Variants in BMP1 observed in about 807,000 individuals in gnomAD.
BMP1 encodes mammalian tolloid protein.
BMP1 carries 63 observed loss-of-function variants against 116.8 expected under a neutral mutation model. That is an observed-to-expected ratio of 0.54 (90% CI 0.44 to 0.67). BMP1 has a LOEUF of 0.67. Among genes scored for constraint, BMP1 ranks in the 30% least tolerant of loss-of-function variants. The probability of loss-of-function intolerance (pLI) is 0.00; values close to 1 mark genes in which losing one functional copy is unlikely to be tolerated. For missense variants in BMP1, 1,183 were observed against 1,358.9 expected (o/e 0.87, Z 2.04); for synonymous variants, 536 against 533.4 (o/e 1.00, Z -0.07).
chr8:22,203,763 C>T (rs1160895205), intron 16 of BMP1, among the ~76,000 whole-genome samples: 1 of 152,158 alleles, frequency 6.6e-6, no homozygotes, highest in Non-Finnish European at 1.5e-5. Flanking sequence ...CGAGGGCTTC[C>T]AACCCTGTGA....
chr8:22,165,522 G>A lies in BMP1; in HGVS notation c.117G>A (p.Glu39=). The A allele has an allele frequency of 2.5e-6, 4 of 1,592,102 alleles. No individual in the cohort carries two copies. The highest frequency in any genetic ancestry group is 3.4e-6 in the Non-Finnish European group (4 of 1,171,432). ...ACCTGGCGGAGGAGGACGACTCGGA[G>A]CCCCTCAACTACAAAGACCCCTGCA... ...TYDLAEEDDS[E]PLNYKDPCKA... Residue 39 remains glutamate (E), a synonymous_variant, in exon 1 of 20, where the codon GAG becomes GAA. Coordinates refer to ENST00000306385, the MANE Select transcript of BMP1 (RefSeq NM_006129.5).
intron 13 of BMP1, chr8:22,196,254 C>T (rs750172292): frequency 6.6e-5 from 35 of 532,546 alleles, no homozygotes; most frequent in East Asian, 5.3e-5. Context: ...CGCATGGTCC[C>T]GAGATGCTGG....
intron 9 of BMP1, 92 bp from the exon 10 acceptor site, chr8:22,193,966 G>C: frequency 9.8e-7 from 1 of 1,015,402 alleles, no homozygotes; most frequent in Non-Finnish European, 1.5e-6. Flanking sequence ...CCACAGATCA[G>C]GGCCCAAGCA....
intron 8 of BMP1, among the ~76,000 whole-genome samples, chr8:22,188,369 T>C (rs189409182): frequency 4.8e-4 from 73 of 152,166 alleles, no homozygotes; most frequent in Non-Finnish European, 8.8e-4. Context: ...GGGGTCTCAC[T>C]GTATTGCTCA....
intron 19 of BMP1, 124 bp downstream of exon 19, chr8:22,209,819 C>T (rs934728850): frequency 8.3e-6 from 9 of 1,089,008 alleles, no homozygotes; most frequent in African/African-American, 7.9e-5. Flanking sequence ...GTGCAGCACG[C>T]GTGTGGCCCT....
chr8:22,177,991 G>A (rs774946592), intron 6 of BMP1, 34 bp downstream of exon 6: 29 of 1,526,678 alleles, frequency 1.9e-5, no homozygotes, highest in South Asian at 1.2e-4. Flanking sequence ...GCCTCTGCTC[G>A]GGCAGCCCCA....
chr8:22,177,551 C>T (rs1828483163), intron 5 of BMP1: 2 of 734,070 alleles, frequency 2.7e-6, no homozygotes, highest in African/African-American at 1.7e-5. Context: ...CTTCCCGCCT[C>T]CTCCCTCTCT....
chr8:22,176,895 C>A, intron 4 of BMP1, 66 bp from the exon 5 acceptor site: 1 of 1,429,074 alleles, frequency 7.0e-7, no homozygotes, highest in Non-Finnish European at 9.5e-7. Flanking sequence ...GCAGCCTGGC[C>A]CCGCCCCTGA....
intron 9 of BMP1, 112 bp downstream of exon 9, chr8:22,192,263 T>C (rs1828957248): frequency 2.2e-6 from 2 of 896,776 alleles, no homozygotes; most frequent in Non-Finnish European, 1.7e-6. Flanking sequence ...GATGACAACC[T>C]GGTATGGGAG....
At chr8:22,210,108 C>A (rs1359739397) in intron 19 of BMP1, among the ~76,000 whole-genome samples, 1 of 152,398 alleles carries the variant, frequency 6.6e-6, no homozygotes, top group South Asian at 2.1e-4. Context: ...GTGGCCCTCA[C>A]CAGTCCTTTT....
chr8:22,207,624 A>T, intron 18 of BMP1, 108 bp downstream of exon 18: 11 of 1,263,948 alleles, frequency 8.7e-6, no homozygotes, highest in Non-Finnish European at 1.2e-5. Context: ...GAGCCCTGCG[A>T]CCCAGGGCCA....
rs1236951188 is a variant in BMP1 at position 22,206,859 on chromosome 8, T to C, written c.2239T>C (p.Cys747Arg). 3.7e-6 allele frequency: 6 copies of C among 1,614,066 alleles called. No homozygotes were observed. The highest frequency in any genetic ancestry group is 5.1e-6 in the Non-Finnish European group (6 of 1,180,018). The stretch of plus-strand genomic sequence containing the variant: ...CGTCACTCGCTTCCCTGCAGCCGGC[T>C]GTGACCACAAGGTGACATCCACCAG... Reference protein sequence around the residue: ...DNKHDCKEAGCDHKVTSTSGT... With the variant: ...DNKHDCKEAGRDHKVTSTSGT... Residue 747 changes from cysteine to arginine, a missense_variant, in exon 17 of 20, where the codon TGT becomes CGT. Coordinates refer to ENST00000306385, the MANE Select transcript of BMP1 (RefSeq NM_006129.5).
At chr8:22,183,013 G>A (rs1221992849) in intron 8 of BMP1, among the ~76,000 whole-genome samples, 9 of 152,152 alleles carry the variant, frequency 5.9e-5, no homozygotes, top group Non-Finnish European at 4.4e-5. Context: ...ATTCTTACGT[G>A]GACAGATTTT....
intron 8 of BMP1, among the ~76,000 whole-genome samples, chr8:22,184,158 G>T (rs1382356275): frequency 6.6e-6 from 1 of 152,242 alleles, no homozygotes; most frequent in Non-Finnish European, 1.5e-5. Context: ...GGGATGTACA[G>T]ATGCACAAGA....
chr8:22,171,686 G>C (rs1051630243), intron 1 of BMP1: 1 of 152,154 alleles, frequency 6.6e-6, no homozygotes, highest in Non-Finnish European at 1.5e-5. Flanking sequence ...TGAGTTATAC[G>C]TCCAGTTTTC....
rs1243400428 is a variant in BMP1, at chr8:22,180,630, G to A, written c.1077+147G>A. ...CAAGTCCAGAGCGCTGATGGAGCAC[G>A]GCTGTAGGAAGGGGCTCCTGGCATT... On this transcript the variant is annotated intron_variant, in intron 8 of 19. Transcript: ENST00000306385. The A allele has an allele frequency of 1.9e-5, 13 of 667,406 alleles. 1 individual carries two copies. Among genetic ancestry groups the A allele is most frequent in the South Asian group, 9.3e-5 (5 of 53,484 alleles). The allele number at this position is 667,406 out of a possible 1,614,324, so 41.3% of individuals were successfully genotyped here.
chr8:22,176,763 C>T, intron 4 of BMP1, 113 bp downstream of exon 4: 2 of 1,205,488 alleles, frequency 1.7e-6, no homozygotes, highest in Non-Finnish European at 1.2e-6. Flanking sequence ...TTTATCCCCT[C>T]CTGCTATGGG....
rs753974583 is a variant in BMP1 at position 22,194,550 on chromosome 8, C to T, written c.1403C>T (p.Ser468Phe). Residue 468 changes from serine to phenylalanine, a missense_variant, in exon 11 of 20, where the codon TCT becomes TTT. Coordinates refer to ENST00000306385, the MANE Select transcript of BMP1 (RefSeq NM_006129.5). This position sits in a 1 kb window ranked among gnomAD's most constrained non-coding sequence, Gnocchi z 4.5. ...GTCTGCATCTGGCGGATCCAGGTGT[C>T]TGAGGGCTTCCACGTGGGCCTCACA... ...SKVCIWRIQV[S>F]EGFHVGLTFQ... 1 of 1,614,212 alleles carries T rather than the reference C, an allele frequency of 6.2e-7. No individual in the cohort carries two copies. Among genetic ancestry groups the T allele is most frequent in the Non-Finnish European group, 8.5e-7 (1 of 1,180,032 alleles).
chr8:22,165,978 G>C (rs1007441835), intron 1 of BMP1, among the ~76,000 whole-genome samples: 1 of 150,790 alleles, frequency 6.6e-6, no homozygotes, highest in East Asian at 2.0e-4. Flanking sequence ...GTGTTTTCCA[G>C]CCTGTCTGGG....
Sources: allele counts gnomAD v4.1 joint callset (sites outside exome capture counted in the v4.1 genomes callset), GRCh38; gene constraint gnomAD v4.1.1; non-coding constraint Gnocchi (gnomAD v3.1); transcripts MANE v1.5; gene names NCBI Gene and HGNC (gene_info 2026-07-23, HGNC 2026-07-21).